ARHGAP6: variants seen among roughly 807,000 people sequenced by gnomAD.
ARHGAP6 encodes Rho GTPase activating protein 6, also known as rho GTPase-activating protein 6.
Under a neutral mutation model 55.7 loss-of-function variants are expected in ARHGAP6, and 16 were observed. The observed-to-expected ratio is 0.29, with a 90% CI of 0.19 to 0.44. The LOEUF is 0.44. ARHGAP6 is among the 20% of genes least tolerant of loss of function. ARHGAP6 has a pLI of 1.00. For synonymous variants in ARHGAP6, 382 were observed against 360.9 expected, an observed-to-expected ratio of 1.06 and a Z score of -0.66; for missense variants, 698 against 808.9, an observed-to-expected ratio of 0.86 and a Z score of 1.66.
intron 3 of ARHGAP6, among the ~76,000 whole-genome samples, chrX:11,193,398 G>T (rs1039060267): frequency 8.9e-6 from 1 of 112,749 alleles, no homozygotes; most frequent in African/African-American, 3.2e-5. Flanking sequence ...AATGTGAATA[G>T]ATTACATCTG....
At chrX:11,210,068 C>T (rs962137039) in intron 2 of ARHGAP6, among the ~76,000 whole-genome samples, 1 of 112,626 alleles carries the variant, frequency 8.9e-6, no homozygotes, top group Non-Finnish European at 1.9e-5. Context: ...CAATGACCAT[C>T]CCTCAAAGTT....
At chrX:11,534,761 C>G (rs1464318269) in intron 1 of ARHGAP6, among the ~76,000 whole-genome samples, 1 of 111,358 alleles carries the variant, frequency 9.0e-6, no homozygotes, top group Non-Finnish European at 1.9e-5. Flanking sequence ...TTCTATTTAA[C>G]CCAGTGTAGC....
At chrX:11,192,439 C>A (rs929443143) in intron 3 of ARHGAP6, among the ~76,000 whole-genome samples, 1 of 111,742 alleles carries the variant, frequency 8.9e-6, no homozygotes, top group Admixed American at 9.6e-5. Context: ...CCCTTCCTAA[C>A]CTTCTCAGAA....
chrX:11,222,789 G>A (rs2046990623), intron 2 of ARHGAP6, among the ~76,000 whole-genome samples: 2 of 111,902 alleles, frequency 1.8e-5, no homozygotes, highest in Non-Finnish European at 3.8e-5. Context: ...AATGAGTTGT[G>A]ACAGTATTTC....
chrX:11,158,385 G>C (rs754572157), intron 9 of ARHGAP6, among the ~76,000 whole-genome samples: 29 of 111,914 alleles, frequency 2.6e-4, no homozygotes, highest in Non-Finnish European at 4.3e-4. Flanking sequence ...GGGATGTCTT[G>C]ATATCATCTG....
rs1213838449 is a variant in ARHGAP6, at chrX:11,139,218, G to A, written c.2570C>T (p.Ala857Val). ...AGGTGTGGCCCGGCTCTGCAGCCCG[G>A]CCACATCCAGCTCACTCTCGCTGAG... The part of the protein sequence containing the change: ...HDLSESELDV[A>V]GLQSRATPQC... The change falls in exon 13 of 13, where the codon GCC (alanine) becomes GTC (valine). Residue 857 changes from alanine to valine, a missense_variant. By Grantham distance (64) the Ala-to-Val change is moderately conservative (BLOSUM62 0). Around this residue, in one of 3 missense-constraint regions of ARHGAP6, gnomAD observed 212 missense variants for 208.7 expected, o/e 1.02. Transcript: ENST00000337414. The A allele has an allele frequency of 1.7e-6, 2 of 1,201,305 alleles. No homozygotes were observed. The highest frequency in any genetic ancestry group is 2.2e-6 in the Non-Finnish European group (2 of 891,337).
intron 1 of ARHGAP6, among the ~76,000 whole-genome samples, chrX:11,315,369 G>C (rs772190423): frequency 1.8e-5 from 2 of 111,875 alleles, no homozygotes; most frequent in African/African-American, 6.5e-5. Context: ...TAGAGTTAGC[G>C]CTCTTATGAG....
chrX:11,450,243 T>TGTGTGTG (rs1569348942), intron 1 of ARHGAP6, among the ~76,000 whole-genome samples: 1 of 108,953 alleles, frequency 9.2e-6, no homozygotes, highest in African/African-American at 3.4e-5. Context: ...TGTGTGTGTG[T>TGTGTGTG]TCTTTTGCTA....
At chrX:11,410,330 G>A (rs767918787) in intron 1 of ARHGAP6, among the ~76,000 whole-genome samples, 2 of 112,379 alleles carry the variant, frequency 1.8e-5, no homozygotes, top group South Asian at 7.5e-4. Context: ...CTGCAACATG[G>A]GTGAACCTCG....
chrX:11,354,327 C>CTCTATATATA lies in ARHGAP6; in HGVS notation c.589-99621_589-99620insTATATATAGA, dbSNP rs1343744315. 3.6e-3 allele frequency among the ~76,000 whole-genome samples: 115 copies of CTCTATATATA among 32,348 alleles called. 2 individuals carry two copies. The highest frequency in any genetic ancestry group is 4.2e-3 in the Non-Finnish European group (81 of 19,254). 28.1% of individuals were successfully genotyped at this position (32,348 alleles called of 115,157 possible). ...TCTCTCTCTCTCTCTCTCTCTCTCTCTATATATATATATATATATATATAT... is the reference window on the plus strand; with the variant it reads ...TCTCTCTCTCTCTCTCTCTCTCTCTCTCTATATATATATATATATATATATATATATATAT... On this transcript the variant is annotated intron_variant, in intron 1 of 12. Coordinates refer to ENST00000337414, the MANE Select transcript of ARHGAP6 (RefSeq NM_013427.3).
intron 1 of ARHGAP6, among the ~76,000 whole-genome samples, chrX:11,468,289 G>A (rs906981963): frequency 3.6e-5 from 4 of 112,036 alleles, no homozygotes; most frequent in African/African-American, 9.7e-5. Context: ...GAAACTCAAC[G>A]AACAGTTTCA....
chrX:11,571,182 T>C (rs1314762523), intron 1 of ARHGAP6, among the ~76,000 whole-genome samples: 1 of 112,033 alleles, frequency 8.9e-6, no homozygotes, highest in Non-Finnish European at 1.9e-5. Context: ...GCAGCACAAA[T>C]GAACTAAGAC....
chrX:11,649,991 C>CTTTT (rs201517374), intron 1 of ARHGAP6, among the ~76,000 whole-genome samples: 5 of 88,105 alleles, frequency 5.7e-5, no homozygotes, highest in Non-Finnish European at 1.1e-4. Context: ...ACTTTCTTTT[C>CTTTT]TTTTTTTTTT....
chrX:11,354,228 G>A (rs2048897084), intron 1 of ARHGAP6, among the ~76,000 whole-genome samples: 1 of 96,384 alleles, frequency 1.0e-5, no homozygotes, highest in South Asian at 5.7e-4. Context: ...GAGATAAAAA[G>A]TATAAAGCAC....
At chrX:11,176,941 C>T (rs1421439281) in intron 8 of ARHGAP6, among the ~76,000 whole-genome samples, 1 of 111,944 alleles carries the variant, frequency 8.9e-6, no homozygotes, top group Non-Finnish European at 1.9e-5. Context: ...TGCAGAATTG[C>T]CTTTCTGGAT....
chrX:11,190,221 G>T (rs1038250621), intron 3 of ARHGAP6, among the ~76,000 whole-genome samples: 1 of 111,680 alleles, frequency 9.0e-6, no homozygotes, highest in African/African-American at 3.2e-5. Context: ...AATTTGTTTT[G>T]AAGTAAAAAA....
At chrX:11,444,543 T>A (rs892431830) in intron 1 of ARHGAP6, among the ~76,000 whole-genome samples, 1 of 112,280 alleles carries the variant, frequency 8.9e-6, no homozygotes, top group Admixed American at 9.4e-5. Context: ...GATGCCCTTT[T>A]GAGCTCCCCT....
intron 1 of ARHGAP6, among the ~76,000 whole-genome samples, chrX:11,577,056 T>A (rs949468641): frequency 1.8e-5 from 2 of 112,236 alleles, no homozygotes; most frequent in East Asian, 5.6e-4. Context: ...CCTTCACCTA[T>A]GAGAGCCCTT....
At chrX:11,275,088 G>A (rs1373394016) in intron 1 of ARHGAP6, among the ~76,000 whole-genome samples, 1 of 111,366 alleles carries the variant, frequency 9.0e-6, no homozygotes, top group East Asian at 2.8e-4. Context: ...CACTATGGCC[G>A]GCCTGAGAAA....
Sources: gnomAD v4.1 joint callset for allele counts (sites outside exome capture counted in the v4.1 genomes callset) on GRCh38, gnomAD v4.1.1 for gene constraint, gnomAD v4.1.1 regional missense constraint, MANE v1.5 for transcripts, NCBI Gene and HGNC (gene_info 2026-07-23, HGNC 2026-07-21) for gene names.